The following SLC9A4 variants were observed in gnomAD, a reference collection of about 807,000 sequenced individuals.
The protein encoded by SLC9A4 is sodium/hydrogen exchanger 4.
In SLC9A4, 63 loss-of-function variants were observed where a neutral mutation model predicts 67.4. That is an observed-to-expected ratio of 0.93 (90% confidence interval 0.76 to 1.15). The LOEUF is 1.15. Ranked by LOEUF, SLC9A4 falls within the 50% of genes most tolerant of loss-of-function variation. SLC9A4 has a pLI of 0.00. For synonymous variants in SLC9A4, 393 were observed against 367.2 expected, an observed-to-expected ratio of 1.07 and a Z score of -0.80; for missense variants, 1,089 against 987.7, an observed-to-expected ratio of 1.10 and a Z score of -1.38.
intron 2 of SLC9A4, among the ~76,000 whole-genome samples, chr2:102,480,144 C>A (rs970462648): frequency 2.6e-5 from 4 of 152,134 alleles, no homozygotes; most frequent in African/African-American, 9.7e-5. Flanking sequence ...AACTATATAG[C>A]ATGAAACACA....
At chr2:102,509,359 C>T (rs1463379166) in intron 6 of SLC9A4, among the ~76,000 whole-genome samples, 2 of 152,208 alleles carry the variant, frequency 1.3e-5, no homozygotes, top group South Asian at 2.1e-4. Context: ...ACTGCAGCCA[C>T]GTGGATAGTT....
At position 102,487,036 on chromosome 2, in the gene SLC9A4, G is replaced by T. The variant is rs1573330908; in HGVS notation, c.720+7734G>T. Among the ~76,000 whole-genome samples, 4 of 152,338 alleles carry T rather than the reference G, an allele frequency of 2.6e-5. No homozygotes were observed. In the East Asian group the frequency reaches 7.7e-4, roughly 29 times the overall value. On this transcript the variant is annotated intron_variant, in intron 2 of 11. Transcript: ENST00000295269. ...GAGGCTCTCCCCTGGGGCTGCTTCT[G>T]ACCTTCTGTTGGGGAGGGCAGGAGT...
At chr2:102,494,480 C>A (rs758779049) in intron 2 of SLC9A4, among the ~76,000 whole-genome samples, 8 of 152,042 alleles carry the variant, frequency 5.3e-5, no homozygotes, top group Non-Finnish European at 8.8e-5. Context: ...AGATCTAAAA[C>A]TAACCATAAC....
chr2:102,480,818 G>A (rs961180568), intron 2 of SLC9A4, among the ~76,000 whole-genome samples: 1 of 152,192 alleles, frequency 6.6e-6, no homozygotes, highest in African/African-American at 2.4e-5. Context: ...AGATGAGACT[G>A]ACAACAGTTT....
chr2:102,475,513 T>C (rs1015603851), intron 1 of SLC9A4, among the ~76,000 whole-genome samples: 1 of 152,218 alleles, frequency 6.6e-6, no homozygotes, highest in African/African-American at 2.4e-5. Context: ...CTAGCTTGTT[T>C]TGTAGAGGCA....
intron 1 of SLC9A4, among the ~76,000 whole-genome samples, chr2:102,474,679 G>T (rs1433369296): frequency 6.6e-6 from 1 of 152,182 alleles, no homozygotes; most frequent in Non-Finnish European, 1.5e-5. Context: ...AGGGATCTTT[G>T]TGTCAAAAAC....
chr2:102,474,901 T>A (rs1203693114), intron 1 of SLC9A4, among the ~76,000 whole-genome samples: 1 of 152,208 alleles, frequency 6.6e-6, no homozygotes, highest in Non-Finnish European at 1.5e-5. Flanking sequence ...TTCTCATTTA[T>A]TTATATGTGT....
chr2:102,520,779 T>C (rs909808732), intron 9 of SLC9A4, among the ~76,000 whole-genome samples: 2 of 151,986 alleles, frequency 1.3e-5, no homozygotes, highest in African/African-American at 4.8e-5. Context: ...GTCAGTGGAG[T>C]TGGTTATCTG....
At chr2:102,478,495 T>G (rs1158278858) in intron 1 of SLC9A4, among the ~76,000 whole-genome samples, 1 of 152,230 alleles carries the variant, frequency 6.6e-6, no homozygotes, top group Non-Finnish European at 1.5e-5. Context: ...AGATTCTGCA[T>G]GAACTTGAAA....
chr2:102,515,219 G>T (rs1685251680), intron 8 of SLC9A4, among the ~76,000 whole-genome samples: 1 of 151,776 alleles, frequency 6.6e-6, no homozygotes, highest in Non-Finnish European at 1.5e-5. Context: ...AAAGGAAGTT[G>T]GAAGAAGAGC....
Position 102,505,428 on chromosome 2 carries a change from C to T in SLC9A4, c.1155C>T (p.Phe385=). 6.2e-7 allele frequency: 1 copy of T among 1,614,208 alleles called. No individual in the cohort carries two copies. Residue 385 remains phenylalanine, a synonymous_variant, in exon 4 of 12, where the codon TTC becomes TTT. Coordinates refer to ENST00000295269, the MANE Select transcript of SLC9A4 (RefSeq NM_001011552.4). ...VGKNHEWNWA[F]ICFTLAFCQI... ...AGAATCACGAGTGGAACTGGGCCTT[C>T]ATCTGCTTCACCCTGGCCTTCTGCC...
In SLC9A4 at chr2:102,478,891, C is replaced by T; in HGVS notation, c.309C>T (p.Leu103=). The T allele has an allele frequency of 1.9e-6, 3 of 1,614,206 alleles. No individual in the cohort carries two copies. Among genetic ancestry groups the T allele is most frequent in the Non-Finnish European group, 2.5e-6 (3 of 1,180,046 alleles). ...LPGLMPESCL[L]ILVGALVGGI... Reference sequence around the variant, plus strand: ...GCCTCATGCCAGAAAGCTGCCTCCTCATCCTGGTGGGGGCGCTGGTGGGCG... The same window carrying T: ...GCCTCATGCCAGAAAGCTGCCTCCTTATCCTGGTGGGGGCGCTGGTGGGCG... Residue 103 remains leucine, a synonymous_variant, in exon 2 of 12, where the codon CTC becomes CTT. Coordinates refer to ENST00000295269, the MANE Select transcript of SLC9A4 (RefSeq NM_001011552.4).
intron 2 of SLC9A4, among the ~76,000 whole-genome samples, chr2:102,491,061 C>T (rs1684687961): frequency 6.6e-6 from 1 of 152,104 alleles, no homozygotes; most frequent in African/African-American, 2.4e-5. Context: ...GTAATTCTTT[C>T]TTGAGAAAAA....
At chr2:102,499,331 A>G (rs1004241032) in intron 2 of SLC9A4, among the ~76,000 whole-genome samples, 1 of 150,086 alleles carries the variant, frequency 6.7e-6, no homozygotes, top group East Asian at 2.0e-4. Context: ...TAGAAAATAC[A>G]TATCTGTAGT....
At chr2:102,527,523 C>T (rs1205431401) in intron 11 of SLC9A4, among the ~76,000 whole-genome samples, 1 of 152,088 alleles carries the variant, frequency 6.6e-6, no homozygotes, top group African/African-American at 2.4e-5. Context: ...AACAATGATA[C>T]ATATTAAGGG....
chr2:102,509,711 G>T (rs747700181), intron 6 of SLC9A4, among the ~76,000 whole-genome samples: 1 of 152,094 alleles, frequency 6.6e-6, no homozygotes, highest in East Asian at 1.9e-4. Context: ...TGAGGCTCTG[G>T]GTATAATCTA....
chr2:102,519,947 C>G lies in SLC9A4; in HGVS notation c.1810C>G (p.Arg604Gly). Residue 604 changes from arginine to glycine, a missense_variant, in exon 9 of 12, where the codon CGG becomes GGG. By Grantham distance (125) the Arg-to-Gly change is moderately radical. Transcript: ENST00000295269. The stretch of plus-strand genomic sequence containing the variant: ...TCTGACATCCAACATGTACCAAGTT[C>G]GGCAAAGGGTGTGTATGAGCCACCT... ...DILTSNMYQV[R>G]QRTLSYNKYN... is the part of the protein sequence containing the mutation. The G allele has an allele frequency of 6.2e-7, 1 of 1,613,440 alleles. No homozygotes were observed. Among genetic ancestry groups the G allele is most frequent in the Non-Finnish European group, 8.5e-7 (1 of 1,179,516 alleles).
chr2:102,500,602 C>A (rs1436168311), intron 2 of SLC9A4, among the ~76,000 whole-genome samples: 1 of 152,184 alleles, frequency 6.6e-6, no homozygotes. Context: ...GACACCTGAG[C>A]TACTTCAAGC....
At chr2:102,475,810 T>C (rs1029296208) in intron 1 of SLC9A4, among the ~76,000 whole-genome samples, 2 of 152,220 alleles carry the variant, frequency 1.3e-5, no homozygotes, top group Non-Finnish European at 1.5e-5. Context: ...GCTGGTAGTT[T>C]TATGTATAAG....
Sources: gnomAD v4.1 joint callset for allele counts (sites outside exome capture counted in the v4.1 genomes callset) on GRCh38, gnomAD v4.1.1 for gene constraint, MANE v1.5 for transcripts, NCBI Gene and HGNC (gene_info 2026-07-23, HGNC 2026-07-21) for gene names.